DRC10: variants seen among roughly 807,000 people sequenced by gnomAD.
The protein encoded by DRC10 is IQ domain-containing protein D.
the DRC10 span, among the ~76,000 whole-genome samples, chr12:113,201,477 A>C: frequency 6.6e-6 from 1 of 152,180 alleles, no homozygotes; most frequent in Non-Finnish European, 1.5e-5. Flanking sequence ...GACAGCGGCG[A>C]TGCTCCTCCT....
chr12:113,210,716 ATTC>A, the DRC10 span, among the ~76,000 whole-genome samples: 1 of 132,672 alleles, frequency 7.5e-6, no homozygotes, highest in Non-Finnish European at 1.6e-5. Flanking sequence ...CCTCACCCTG[ATTC>A]TTCTTCATCT....
At chr12:113,205,902 CAAAAAAAAAAAA>C in the DRC10 span, among the ~76,000 whole-genome samples, 1 of 47,990 alleles carries the variant, frequency 2.1e-5, no homozygotes, top group Non-Finnish European at 4.3e-5. Flanking sequence ...GACTCCGTCT[CAAAAAAAAAAAA>C]AAAAAAAAAA....
the DRC10 span, among the ~76,000 whole-genome samples, chr12:113,215,562 A>G: frequency 6.6e-6 from 1 of 152,136 alleles, no homozygotes; most frequent in Non-Finnish European, 1.5e-5. Flanking sequence ...TGCATTATTC[A>G]TGTTCTCCTG....
chr12:113,218,635 G>A, the DRC10 span, among the ~76,000 whole-genome samples: 1,401 of 151,540 alleles, frequency 9.2e-3, 6 homozygotes, highest in Non-Finnish European at 0.016. Context: ...TAGAGATAGG[G>A]TCTCACTTTG....
the DRC10 span, among the ~76,000 whole-genome samples, chr12:113,218,137 C>CT: frequency 0.023 from 3,180 of 139,760 alleles, 107 homozygotes; most frequent in East Asian, 0.15. Flanking sequence ...AAACCCTGAC[C>CT]TTTTTTTTTT....
At chr12:113,205,902 CAAAAAAAA>C in the DRC10 span, among the ~76,000 whole-genome samples, 2 of 47,990 alleles carry the variant, frequency 4.2e-5, no homozygotes, top group African/African-American at 1.6e-4. Flanking sequence ...GACTCCGTCT[CAAAAAAAA>C]AAAAAAAAAA....
chr12:113,208,324 A>G, the DRC10 span: 1 of 1,428,548 alleles, frequency 7.0e-7, no homozygotes. Flanking sequence ...GTGTGGCTGC[A>G]GAAACCACAA....
chr12:113,198,764 T>A, the DRC10 span, among the ~76,000 whole-genome samples: 1 of 152,188 alleles, frequency 6.6e-6, no homozygotes, highest in Non-Finnish European at 1.5e-5. Context: ...ATTGCTCATT[T>A]TAAAATGGTT....
At chr12:113,204,140 C>T in the DRC10 span, among the ~76,000 whole-genome samples, 1 of 152,170 alleles carries the variant, frequency 6.6e-6, no homozygotes, top group Non-Finnish European at 1.5e-5. Context: ...ACTCAAAAGG[C>T]TAAGGCAGGA....
chr12:113,208,055 C>G, the DRC10 span: 1 of 1,614,208 alleles, frequency 6.2e-7, no homozygotes, highest in Non-Finnish European at 8.5e-7. Context: ...CTAGAGAGAA[C>G]CAAGGGTTTT....
the DRC10 span, among the ~76,000 whole-genome samples, chr12:113,205,806 G>A: frequency 5.3e-5 from 8 of 150,672 alleles, no homozygotes; most frequent in African/African-American, 7.3e-5. Flanking sequence ...GGAGAATGGC[G>A]TGAACCCGGG....
At chr12:113,217,811 C>T in the DRC10 span, among the ~76,000 whole-genome samples, 5 of 152,126 alleles carry the variant, frequency 3.3e-5, no homozygotes, top group Non-Finnish European at 5.9e-5. Flanking sequence ...GAATTGCAAG[C>T]GTGAGCCACT....
chr12:113,201,618 C>CT, the DRC10 span, among the ~76,000 whole-genome samples: 1 of 152,200 alleles, frequency 6.6e-6, no homozygotes, highest in African/African-American at 2.4e-5. Context: ...TGTCCCCTGC[C>CT]TTGGGTGGAT....
the DRC10 span, chr12:113,197,452 G>T: frequency 2.2e-6 from 2 of 900,266 alleles, no homozygotes; most frequent in South Asian, 1.4e-5. Flanking sequence ...CCACTCCATG[G>T]ACCATCCCAA....
At chr12:113,218,723 C>T in the DRC10 span, among the ~76,000 whole-genome samples, 1 of 152,232 alleles carries the variant, frequency 6.6e-6, no homozygotes, top group South Asian at 2.1e-4. Context: ...GCTGGGATTA[C>T]AGGCGTGAGC....
chr12:113,201,600 G>A, the DRC10 span, among the ~76,000 whole-genome samples: 648 of 152,348 alleles, frequency 4.3e-3, 1 homozygote, highest in African/African-American at 0.015. Context: ...GAGGGCCCAT[G>A]TCTGGCTTGT....
chr12:113,203,027 T>G, the DRC10 span: 6 of 455,558 alleles, frequency 1.3e-5, no homozygotes, highest in South Asian at 9.3e-5. Flanking sequence ...ATCATGCTAC[T>G]GTTTCCCTTT....
the DRC10 span, among the ~76,000 whole-genome samples, chr12:113,201,970 A>G: frequency 6.6e-6 from 1 of 152,144 alleles, no homozygotes; most frequent in Non-Finnish European, 1.5e-5. Flanking sequence ...ATGACATGAA[A>G]TTTGCCCACC....
chr12:113,209,335 A>T, the DRC10 span, among the ~76,000 whole-genome samples: 2 of 152,354 alleles, frequency 1.3e-5, no homozygotes, highest in African/African-American at 4.8e-5. Context: ...GAAAAAGGAC[A>T]TTAGTGGAAC....
Sources: allele counts gnomAD v4.1 joint callset (sites outside exome capture counted in the v4.1 genomes callset), GRCh38; gene constraint gnomAD v4.1.1; transcripts MANE v1.5; gene names NCBI Gene and HGNC (gene_info 2026-07-23, HGNC 2026-07-21).